DNASE1: variants seen among roughly 807,000 people sequenced by gnomAD.
DNASE1 encodes the protein deoxyribonuclease-1.
A neutral mutation model predicts 33.9 loss-of-function variants in DNASE1; 40 were observed. The observed-to-expected ratio is 1.18, with a 90% CI of 0.92 to 1.54. The LOEUF (loss-of-function observed/expected upper bound fraction) is 1.54. Among genes scored for constraint, DNASE1 ranks in the 40% most tolerant of loss-of-function variants. The pLI is 0.00. For missense variants in DNASE1, 518 were observed against 372.6 expected (o/e 1.39, Z -3.21); for synonymous variants, 216 against 160.0 (o/e 1.35, Z -2.64).
At chr16:3,636,168 A>G (rs1056760047) in intron 1 of DNASE1, among the ~76,000 whole-genome samples, 4 of 145,336 alleles carry the variant, frequency 2.8e-5, no homozygotes, top group Non-Finnish European at 6.1e-5. Context: ...TGCTACTGAC[A>G]TTTTTTTTCA....
chr16:3,654,313 C>G (rs545643485), upstream of DNASE1: 3 of 398,586 alleles, frequency 7.5e-6, no homozygotes, highest in African/African-American at 2.1e-5. Flanking sequence ...GTCCTGGCCC[C>G]ACGGCGCTGG....
At chr16:3,616,229 A>T (rs1036804197) in intron 1 of DNASE1, among the ~76,000 whole-genome samples, 1 of 152,240 alleles carries the variant, frequency 6.6e-6, no homozygotes, top group Non-Finnish European at 1.5e-5. Context: ...GGTTTCAGAC[A>T]GCAAAACTCC....
intron 1 of DNASE1, among the ~76,000 whole-genome samples, chr16:3,635,971 T>C (rs113580678): frequency 2.4e-4 from 36 of 152,240 alleles, no homozygotes; most frequent in African/African-American, 8.2e-4. Context: ...GTGTTTGGCA[T>C]CTGTCATCAG....
intron 1 of DNASE1, among the ~76,000 whole-genome samples, chr16:3,643,786 G>T (rs1333140916): frequency 6.6e-6 from 1 of 151,950 alleles, no homozygotes; most frequent in African/African-American, 2.4e-5. Context: ...TTTTGAGATG[G>T]AGTCTCGCTC....
At position 3,657,143 on chromosome 16, in the gene DNASE1, C is replaced by T. The variant is rs771265621; in HGVS notation, c.549+32C>T. On this transcript the variant is annotated intron_variant, in intron 6 of 8. Transcript: ENST00000246949. ...CCCTCCCAGGGGCAGTGGGCACCAGCGGCCTCCGCATGTCCCAGGGCCACA... is the reference window on the plus strand; with the variant it reads ...CCCTCCCAGGGGCAGTGGGCACCAGTGGCCTCCGCATGTCCCAGGGCCACA... 37 of 1,614,074 alleles carry T rather than the reference C, an allele frequency of 2.3e-5. 1 individual carries two copies. The highest frequency in any genetic ancestry group is 1.7e-4 in the Admixed American group (10 of 60,022).
upstream of DNASE1, among the ~76,000 whole-genome samples, chr16:3,650,211 C>A (rs1039935424): frequency 6.6e-6 from 1 of 152,228 alleles, no homozygotes; most frequent in Non-Finnish European, 1.5e-5. Flanking sequence ...TTGAAATCAT[C>A]ACCCAGTAGT....
chr16:3,649,208 G>A (rs894776615), intron 1 of DNASE1, among the ~76,000 whole-genome samples: 10 of 152,190 alleles, frequency 6.6e-5, no homozygotes, highest in Non-Finnish European at 8.8e-5. Context: ...GATTAGGGAC[G>A]GCAAAATGGT....
chr16:3,664,630 C>T, exon 10 of DNASE1: 1 of 661,164 alleles, frequency 1.5e-6, no homozygotes, highest in Non-Finnish European at 2.4e-6. Flanking sequence ...CCTTGCTCTG[C>T]CCATCAGGCC....
At chr16:3,662,738 G>A, downstream of DNASE1, 1 of 765,642 alleles carries the variant, frequency 1.3e-6, no homozygotes, top group South Asian at 1.5e-5. Flanking sequence ...GCCGAGCAGG[G>A]ACCCACAGGG....
chr16:3,648,100 C>T (rs1181296156), intron 1 of DNASE1, among the ~76,000 whole-genome samples: 1 of 152,006 alleles, frequency 6.6e-6, no homozygotes, highest in Non-Finnish European at 1.5e-5. Context: ...CTTGGGAGGC[C>T]GGAGGTTGCA....
intron 1 of DNASE1, among the ~76,000 whole-genome samples, chr16:3,615,223 G>T (rs1237131672): frequency 1.3e-5 from 2 of 152,158 alleles, no homozygotes; most frequent in Non-Finnish European, 2.9e-5. Flanking sequence ...AACACTGTAG[G>T]CTAAGTATAA....
At chr16:3,664,280 GTCTT>G (rs759370461) in exon 10 of DNASE1, 4 of 1,593,542 alleles carry the variant, frequency 2.5e-6, no homozygotes, top group African/African-American at 2.7e-5. Flanking sequence ...CCACCTCTGT[GTCTT>G]TCTTCTTCAT....
chr16:3,642,225 A>G (rs1172280382), upstream of DNASE1, among the ~76,000 whole-genome samples: 3 of 152,202 alleles, frequency 2.0e-5, no homozygotes, highest in Admixed American at 6.5e-5. Flanking sequence ...GTTCTCTGCT[A>G]TCTGGCAGCA....
At position 3,657,765 on chromosome 16, in the gene DNASE1, C is replaced by T. The variant is rs1234958443; in HGVS notation, c.750C>T (p.Asp250=). 4 of 1,613,968 alleles carry T rather than the reference C, an allele frequency of 2.5e-6. No homozygotes were observed. In the African/African-American group the frequency reaches 4.0e-5, roughly 16 times the overall value. The change falls in exon 8 of 9, where the codon GAC becomes GAT. Residue 250 remains aspartate (D), a synonymous_variant. Coordinates refer to ENST00000246949, the MANE Select transcript of DNASE1 (RefSeq NM_005223.4). ...GMLLRGAVVP[D]SALPFNFQAA... is the part of the protein sequence containing the mutation. ...TGCTCCGAGGCGCCGTTGTTCCCGACTCGGCTCTTCCCTTTAACTTCCAGG... is the reference window on the plus strand; with the variant it reads ...TGCTCCGAGGCGCCGTTGTTCCCGATTCGGCTCTTCCCTTTAACTTCCAGG...
chr16:3,627,720 A>G (rs1245744145), intron 1 of DNASE1, among the ~76,000 whole-genome samples: 1 of 152,120 alleles, frequency 6.6e-6, no homozygotes, highest in African/African-American at 2.4e-5. Flanking sequence ...TTGACCATAT[A>G]TGCCAGGATT....
downstream of DNASE1, chr16:3,660,824 T>TAAGGCAGGTGGATTGTTTG (rs1393397165): frequency 2.6e-5 from 4 of 152,178 alleles, no homozygotes; most frequent in Non-Finnish European, 5.9e-5. Flanking sequence ...TTCGGGAGGC[T>TAAGGCAGGTGGATTGTTTG]AAGGCAGGTG....
chr16:3,660,995 C>CTGTT (rs1473826049), downstream of DNASE1: 1 of 152,056 alleles, frequency 6.6e-6, no homozygotes, highest in Non-Finnish European at 1.5e-5. Flanking sequence ...TTCCTTTTTG[C>CTGTT]TGTTTTCTAT....
intron 1 of DNASE1, among the ~76,000 whole-genome samples, chr16:3,626,540 G>T (rs1323721659): frequency 6.6e-6 from 1 of 152,144 alleles, no homozygotes; most frequent in Non-Finnish European, 1.5e-5. Flanking sequence ...TGACTTTTAT[G>T]GCTTAGAATA....
chr16:3,638,752 G>C (rs2041949499), upstream of DNASE1, among the ~76,000 whole-genome samples: 1 of 152,134 alleles, frequency 6.6e-6, no homozygotes, highest in Non-Finnish European at 1.5e-5. Flanking sequence ...TTTCTTCTAG[G>C]ACTTCCAATT....
Sources: gnomAD v4.1 joint callset for allele counts (sites outside exome capture counted in the v4.1 genomes callset) on GRCh38, gnomAD v4.1.1 for gene constraint, MANE v1.5 for transcripts, NCBI Gene and HGNC (gene_info 2026-07-23, HGNC 2026-07-21) for gene names.